Variants in PDE10A observed in about 807,000 individuals in gnomAD.
PDE10A encodes the protein phosphodiesterase 10A.
PDE10A carries 39 observed loss-of-function variants against 97.7 expected under a neutral mutation model. That is an observed-to-expected ratio of 0.40 (90% CI 0.31 to 0.52). PDE10A has a LOEUF of 0.52. Ranked by LOEUF, PDE10A falls within the 20% of genes least tolerant of loss-of-function variation. PDE10A has a pLI of 0.56. For synonymous variants in PDE10A, 371 were observed against 376.8 expected (o/e 0.98, Z 0.18); for missense variants, 731 against 1,047.8 (o/e 0.70, Z 4.17).
At chr6:165,415,311 GAC>G (rs1313169546) in intron 12 of PDE10A, among the ~76,000 whole-genome samples, 1 of 152,068 alleles carries the variant, frequency 6.6e-6, no homozygotes, top group African/African-American at 2.4e-5. Flanking sequence ...GTGTATATTT[GAC>G]ATCAATTGAT....
intron 1 of PDE10A, chr6:165,774,936 A>ATT (rs1206018871): frequency 2.6e-5 from 4 of 151,388 alleles, no homozygotes; most frequent in African/African-American, 9.7e-5. Context: ...GATATGGAGG[A>ATT]ACAATGATTT....
intron 1 of PDE10A, among the ~76,000 whole-genome samples, chr6:165,627,905 C>T (rs913755284): frequency 6.6e-6 from 1 of 152,200 alleles, no homozygotes; most frequent in Non-Finnish European, 1.5e-5. Context: ...ACCCATAAAG[C>T]TGAAGCCACT....
chr6:165,685,473 C>G (rs1469727876), intron 1 of PDE10A, among the ~76,000 whole-genome samples: 1 of 151,910 alleles, frequency 6.6e-6, no homozygotes, highest in Non-Finnish European at 1.5e-5. Context: ...CAAAGCAAAC[C>G]AAGAGAAAAT....
chr6:165,800,283 G>A lies in PDE10A; in HGVS notation c.-615+187246C>T, dbSNP rs1219222556. Among the ~76,000 whole-genome samples the A allele has an allele frequency of 2.6e-5, 4 of 152,268 alleles. No homozygotes were observed. In the East Asian group the frequency reaches 7.7e-4, roughly 29 times the overall value. ...GATTGTTGGGGGCTGAGAAAGGCTCGTTCTACTAAAGGGGCATTTTATGTC... is the reference window on the plus strand; with the variant it reads ...GATTGTTGGGGGCTGAGAAAGGCTCATTCTACTAAAGGGGCATTTTATGTC... On this transcript the variant is annotated intron_variant, in intron 1 of 19. Transcript: ENST00000366882.
chr6:165,918,797 G>A (rs1161892781), intron 1 of PDE10A, among the ~76,000 whole-genome samples: 1 of 151,974 alleles, frequency 6.6e-6, no homozygotes, highest in Non-Finnish European at 1.5e-5. Context: ...TCTTCCTCTC[G>A]GGGGTGTCAG....
intron 1 of PDE10A, among the ~76,000 whole-genome samples, chr6:165,608,082 G>GCATATATATACATGTA (rs1562625120): frequency 1.5e-5 from 2 of 136,162 alleles, no homozygotes; most frequent in African/African-American, 6.8e-5. Context: ...ATGTATATAT[G>GCATATATATACATGTA]TATATATATG....
At chr6:165,741,754 A>G (rs1792726693) in intron 1 of PDE10A, among the ~76,000 whole-genome samples, 1 of 152,206 alleles carries the variant, frequency 6.6e-6, no homozygotes, top group African/African-American at 2.4e-5. Context: ...GAGGGAGAGA[A>G]AGAAATGAGA....
At chr6:165,877,374 C>T (rs1583222773) in intron 1 of PDE10A, among the ~76,000 whole-genome samples, 3 of 152,206 alleles carry the variant, frequency 2.0e-5, no homozygotes, top group Non-Finnish European at 4.4e-5. Flanking sequence ...GTTTTCCCAG[C>T]TGGCTTCCTC....
At chr6:165,362,999 A>G (rs985115221) in intron 18 of PDE10A, among the ~76,000 whole-genome samples, 1 of 151,314 alleles carries the variant, frequency 6.6e-6, no homozygotes, top group Non-Finnish European at 1.5e-5. Context: ...AAAGCATATG[A>G]CAAAATCCAA....
At chr6:165,675,809 C>T (rs1790778826) in intron 1 of PDE10A, among the ~76,000 whole-genome samples, 1 of 152,154 alleles carries the variant, frequency 6.6e-6, no homozygotes, top group Admixed American at 6.5e-5. Flanking sequence ...TCCTATGAAA[C>T]ATATATTCTA....
rs567151522 is a variant in PDE10A at position 165,588,398 on chromosome 6, C to A, written c.866-44830G>T. Among the ~76,000 whole-genome samples, 37 of 142,170 alleles carry A rather than the reference C, an allele frequency of 2.6e-4. 1 individual carries two copies. The South Asian group carries it at 8.2e-3, about 31-fold the overall frequency. 93.3% of individuals were successfully genotyped at this position (142,170 alleles called of 152,430 possible). A position where few individuals can be genotyped will look rare whatever the true frequency, so the allele number is the denominator to read the frequency against. On this transcript the variant is annotated intron_variant, in intron 1 of 21. Coordinates refer to ENST00000539869, the MANE Select transcript of PDE10A (RefSeq NM_001385079.1). ...CTCCACCTCCTAGGTTCAAGCAATT[C>A]TCCTGCCTCAGCCTCTAGAGTAGCT...
chr6:165,735,538 G>A (rs931414173), intron 1 of PDE10A, among the ~76,000 whole-genome samples: 10 of 152,060 alleles, frequency 6.6e-5, no homozygotes, highest in Non-Finnish European at 1.3e-4. Flanking sequence ...ATGGAGGGTG[G>A]CAAGTTCAAG....
intron 1 of PDE10A, among the ~76,000 whole-genome samples, chr6:165,964,016 C>A (rs985537003): frequency 2.0e-5 from 3 of 152,228 alleles, no homozygotes; most frequent in African/African-American, 7.2e-5. Context: ...CCCATGCAAT[C>A]AAAAACAGTG....
At chr6:165,566,079 G>A (rs1784763666) in intron 1 of PDE10A, among the ~76,000 whole-genome samples, 1 of 152,126 alleles carries the variant, frequency 6.6e-6, no homozygotes, top group Non-Finnish European at 1.5e-5. Context: ...GAATTGATAA[G>A]TTGTACTTCA....
chr6:165,673,813 T>C (rs1212488303), intron 1 of PDE10A, among the ~76,000 whole-genome samples: 2 of 152,210 alleles, frequency 1.3e-5, no homozygotes, highest in Non-Finnish European at 2.9e-5. Flanking sequence ...TCTTATATGT[T>C]TCTAAATGGT....
intron 1 of PDE10A, among the ~76,000 whole-genome samples, chr6:165,831,793 C>A (rs1056436836): frequency 6.6e-6 from 1 of 152,112 alleles, no homozygotes; most frequent in Non-Finnish European, 1.5e-5. Context: ...CCGCAGGAAT[C>A]ATTTCCTTAG....
intron 1 of PDE10A, among the ~76,000 whole-genome samples, chr6:165,887,627 G>A (rs528091873): frequency 3.9e-5 from 6 of 152,260 alleles, no homozygotes; most frequent in African/African-American, 1.4e-4. Context: ...TATGCTTAGA[G>A]TTATCTGGAA....
chr6:165,740,296 CAT>C (rs749792218), intron 1 of PDE10A, among the ~76,000 whole-genome samples: 6 of 144,908 alleles, frequency 4.1e-5, no homozygotes, highest in Admixed American at 1.4e-4. Flanking sequence ...CAATGGAATA[CAT>C]ATATATATAT....
chr6:165,479,277 C>G (rs943403936), intron 3 of PDE10A, among the ~76,000 whole-genome samples: 3 of 152,168 alleles, frequency 2.0e-5, no homozygotes, highest in Non-Finnish European at 2.9e-5. Context: ...ACTGGGTCTA[C>G]CTGTTTCCAC....
Sources: gnomAD v4.1 joint callset for allele counts (sites outside exome capture counted in the v4.1 genomes callset) on GRCh38, gnomAD v4.1.1 for gene constraint, MANE v1.5 for transcripts, NCBI Gene and HGNC (gene_info 2026-07-23, HGNC 2026-07-21) for gene names.